F5: variants seen among roughly 807,000 people sequenced by gnomAD.
The protein encoded by F5 is coagulation factor V, also known as activated protein c cofactor.
F5 carries 138 observed loss-of-function variants against 216.4 expected under a neutral mutation model. The ratio of observed to expected loss-of-function variants is 0.64; its 90% CI spans 0.56 to 0.73. The LOEUF is 0.73. Among genes scored for constraint, F5 ranks in the 30% least tolerant of loss-of-function variants. F5 has a pLI of 0.00. For synonymous variants in F5, 916 were observed against 930.7 expected (o/e 0.98, Z 0.29); for missense variants, 2,403 against 2,674.0 (o/e 0.90, Z 2.24).
At chr1:169,577,910 G>T (rs909718492) in intron 2 of F5, among the ~76,000 whole-genome samples, 3 of 152,020 alleles carry the variant, frequency 2.0e-5, no homozygotes, top group Non-Finnish European at 2.9e-5. Context: ...AGTTCATGCT[G>T]CAGGAGTGAG....
At chr1:169,522,157 C>T (rs1659325961) in intron 21 of F5, among the ~76,000 whole-genome samples, 1 of 151,858 alleles carries the variant, frequency 6.6e-6, no homozygotes, top group African/African-American at 2.4e-5. Flanking sequence ...TTTTAATAGC[C>T]CTGTAACTAT....
intron 2 of F5, among the ~76,000 whole-genome samples, chr1:169,579,622 G>A (rs1441639426): frequency 1.3e-5 from 2 of 152,088 alleles, no homozygotes; most frequent in African/African-American, 4.8e-5. Flanking sequence ...CTCACTGAAT[G>A]GCACCCTATC....
chr1:169,540,776 G>C lies in F5; in HGVS notation c.4314C>G (p.Leu1438=). 1 of 1,614,080 alleles carries C rather than the reference G, an allele frequency of 6.2e-7. No homozygotes were observed. Among genetic ancestry groups the C allele is most frequent in the Non-Finnish European group, 8.5e-7 (1 of 1,180,006 alleles). The change falls in exon 13 of 25, where the codon CTC becomes CTG. Residue 1438 remains leucine (L), a synonymous_variant. Transcript: ENST00000367797. ...GGGTGGTGTCACTGATGTCTGGAGA[G>C]AGAGTCACCTGGCTGAGGTCTGGGG... ...SLSPDLSQVT[L]SPDISDTTLL... is the part of the protein sequence containing the mutation.
chr1:169,561,746 G>A (rs927824348), intron 3 of F5, among the ~76,000 whole-genome samples: 2 of 152,106 alleles, frequency 1.3e-5, no homozygotes, highest in Non-Finnish European at 2.9e-5. Context: ...TTCTTTACGA[G>A]AAGAAGGTGA....
rs1027264707 is a variant in F5 at position 169,580,370 on chromosome 1, T to G, written c.250+2061A>C. 1.1e-4 allele frequency among the ~76,000 whole-genome samples: 17 copies of G among 151,432 alleles called. 3 individuals are homozygous for G. The highest frequency in any genetic ancestry group is 1.3e-4 in the Admixed American group (2 of 15,228). The stretch of plus-strand genomic sequence containing the variant: ...ATGTAGTAGGTTCTCAATATACTTT[T>G]TTGTTGTTGTTGTTGTTGTTTTTTT... On this transcript the variant is annotated intron_variant, in intron 2 of 24. Coordinates refer to ENST00000367797, the MANE Select transcript of F5 (RefSeq NM_000130.5).
rs6038 is a variant in F5 at position 169,546,601 on chromosome 1, C to A, written c.1612-9G>T. 3.7e-4 allele frequency: 603 copies of A among 1,613,602 alleles called. 2 individuals are homozygous for A. The African/African-American group carries it at 6.2e-3, about 17-fold the overall frequency. On this transcript the variant is annotated splice_polypyrimidine_tract_variant and intron_variant, in intron 10 of 24. Transcript: ENST00000367797. The stretch of plus-strand genomic sequence containing the variant: ...TCGATGTCTGCTGCCCTCTGGAGGA[C>A]AAAACAGTATAGTACTGGTACAAGA...
intron 1 of F5, 133 bp downstream of exon 1, chr1:169,586,096 C>T (rs775360387): frequency 4.2e-6 from 4 of 958,134 alleles, no homozygotes; most frequent in Non-Finnish European, 6.3e-6. Flanking sequence ...ATTCAGTATA[C>T]TCTCCTATTA....
At chr1:169,543,740 G>A (rs987567440) in intron 12 of F5, among the ~76,000 whole-genome samples, 2 of 152,148 alleles carry the variant, frequency 1.3e-5, no homozygotes, top group Non-Finnish European at 2.9e-5. Flanking sequence ...TAGGCACTTG[G>A]CGCATATTAC....
intron 6 of F5, 48 bp from the exon 7 acceptor site, chr1:169,555,395 T>C (rs376300655): frequency 4.4e-6 from 7 of 1,586,328 alleles, no homozygotes; most frequent in Non-Finnish European, 6.1e-6. Context: ...GAAGAAATTA[T>C]GGTTGATTGA....
At chr1:169,531,297 T>C (rs974790186) in intron 14 of F5, among the ~76,000 whole-genome samples, 1 of 152,188 alleles carries the variant, frequency 6.6e-6, no homozygotes, top group Non-Finnish European at 1.5e-5. Context: ...TGATAGGTAG[T>C]GGAGATGTGA....
In F5 at chr1:169,571,435, T is replaced by A. The variant is rs1265489878; in HGVS notation, c.373+786A>T. 2.6e-5 allele frequency among the ~76,000 whole-genome samples: 4 copies of A among 152,300 alleles called. No individual in the cohort carries two copies. The East Asian group carries it at 7.7e-4, about 29-fold the overall frequency. The stretch of plus-strand genomic sequence containing the variant: ...TGAGAAAACTGAGGCTCAGAGATGC[T>A]AAAGTCGTAGAATCAGAAATGATAA... On this transcript the variant is annotated intron_variant, in intron 3 of 24. Coordinates refer to ENST00000367797, the MANE Select transcript of F5 (RefSeq NM_000130.5).
At chr1:169,578,537 C>G (rs1452993809) in intron 2 of F5, among the ~76,000 whole-genome samples, 3 of 152,214 alleles carry the variant, frequency 2.0e-5, no homozygotes, top group African/African-American at 7.2e-5. Flanking sequence ...ATTTGCTTAG[C>G]TTGGCAAAAG....
At chr1:169,553,298 A>G (rs1460017307) in intron 7 of F5, among the ~76,000 whole-genome samples, 5 of 152,244 alleles carry the variant, frequency 3.3e-5, no homozygotes, top group African/African-American at 1.2e-4. Context: ...GAGCAGAAAC[A>G]TGAACCACTT....
At chr1:169,552,025 A>G (rs1201763811) in intron 8 of F5, among the ~76,000 whole-genome samples, 1 of 152,222 alleles carries the variant, frequency 6.6e-6, no homozygotes, top group Non-Finnish European at 1.5e-5. Flanking sequence ...GCAACTTTTA[A>G]TCTATTATTT....
At chr1:169,518,340 T>G in intron 23 of F5, 72 bp downstream of exon 23, 16 of 1,534,192 alleles carry the variant, frequency 1.0e-5, no homozygotes, top group Non-Finnish European at 1.4e-5. Context: ...AGATCCTCCA[T>G]GTTTGTGGTA....
At position 169,518,583 on chromosome 1, in the gene F5, G is replaced by A. The variant is rs6013; in HGVS notation, c.6194-20C>T. 202 of 1,613,082 alleles carry A rather than the reference G, an allele frequency of 1.3e-4. No individual in the cohort carries two copies. The South Asian group carries it at 1.4e-3, about 12-fold the overall frequency. ...AACATCCTATCAAAAGAAAAGTAAC[G>A]TGATTAATTACACACCAATATTCCC... is the stretch of plus-strand genomic sequence containing the variant. On this transcript the variant is annotated intron_variant, in intron 22 of 24. Coordinates refer to ENST00000367797, the MANE Select transcript of F5 (RefSeq NM_000130.5).
At chr1:169,534,531 G>A (rs1318507971) in intron 14 of F5, among the ~76,000 whole-genome samples, 2 of 152,014 alleles carry the variant, frequency 1.3e-5, no homozygotes, top group Admixed American at 6.6e-5. Flanking sequence ...AGCTGGGCAT[G>A]GTGGTGGGTG....
intron 17 of F5, among the ~76,000 whole-genome samples, chr1:169,527,580 C>G (rs1000438514): frequency 2.0e-5 from 3 of 152,122 alleles, no homozygotes; most frequent in Admixed American, 1.3e-4. Context: ...GCAGAGATAG[C>G]TGTAGCTGCC....
chr1:169,561,330 G>C (rs570521987), intron 3 of F5, among the ~76,000 whole-genome samples: 6 of 152,084 alleles, frequency 3.9e-5, no homozygotes, highest in African/African-American at 1.2e-4. Context: ...CAGGCTGGTT[G>C]TCTGTATGAA....
Sources: allele counts gnomAD v4.1 joint callset (sites outside exome capture counted in the v4.1 genomes callset), GRCh38; gene constraint gnomAD v4.1.1; transcripts MANE v1.5; gene names NCBI Gene and HGNC (gene_info 2026-07-23, HGNC 2026-07-21).